FARP1: variants seen among roughly 807,000 people sequenced by gnomAD.
The protein encoded by FARP1 is FERM, ARH/RhoGEF and pleckstrin domain protein 1, also known as FERM, ARHGEF and pleckstrin domain-containing protein 1.
A neutral mutation model predicts 128.8 loss-of-function variants in FARP1; 52 were observed. The observed-to-expected ratio is 0.40, with a 90% CI of 0.32 to 0.51. FARP1 has a LOEUF of 0.51. Ranked by LOEUF, FARP1 falls within the 20% of genes least tolerant of loss-of-function variation. The pLI is 0.45. For missense variants in FARP1, 1,333 were observed against 1,367.9 expected, an observed-to-expected ratio of 0.97 and a Z score of 0.40; for synonymous variants, 580 against 551.8, an observed-to-expected ratio of 1.05 and a Z score of -0.72.
At chr13:98,426,402 A>G (rs1891790156) in intron 17 of FARP1, among the ~76,000 whole-genome samples, 1 of 152,192 alleles carries the variant, frequency 6.6e-6, no homozygotes, top group Non-Finnish European at 1.5e-5. Context: ...AGGGGAGAGG[A>G]TCACTTGAGC....
Position 98,256,973 on chromosome 13 carries a change from A to G in FARP1, c.171+43560A>G, listed in dbSNP as rs1406146712. ...GATATATATATATATATATATATATATATATATATATATATATACCGAAAG... is the reference window on the plus strand; with the variant it reads ...GATATATATATATATATATATATATGTATATATATATATATATACCGAAAG... On this transcript the variant is annotated intron_variant, in intron 2 of 26. Coordinates refer to ENST00000319562, the MANE Select transcript of FARP1 (RefSeq NM_005766.4). 3.5e-4 allele frequency among the ~76,000 whole-genome samples: 48 copies of G among 138,356 alleles called. 2 individuals are homozygous for G. The highest frequency in any genetic ancestry group is 8.3e-4 in the East Asian group (4 of 4,844). The allele number at this position is 138,356 out of a possible 152,430, so 90.8% of individuals were successfully genotyped here. A position where few individuals can be genotyped will look rare whatever the true frequency, so the allele number is the denominator to read the frequency against.
intron 2 of FARP1, among the ~76,000 whole-genome samples, chr13:98,287,985 A>G (rs1885273121): frequency 6.6e-6 from 1 of 151,992 alleles, no homozygotes; most frequent in South Asian, 2.1e-4. Flanking sequence ...TAATTTTAGT[A>G]GAGACAGAGT....
chr13:98,353,887 T>C (rs549846200), intron 3 of FARP1, among the ~76,000 whole-genome samples: 3 of 152,354 alleles, frequency 2.0e-5, no homozygotes, highest in African/African-American at 7.2e-5. Context: ...AAGAGTTCAA[T>C]TAACCATAAC....
intron 2 of FARP1, among the ~76,000 whole-genome samples, chr13:98,317,308 G>A (rs1405168811): frequency 6.6e-6 from 1 of 152,112 alleles, no homozygotes; most frequent in Non-Finnish European, 1.5e-5. Context: ...CACCCAGGCT[G>A]GGGTGCAGTG....
At chr13:98,436,916 C>CT (rs1399855857) in intron 19 of FARP1, among the ~76,000 whole-genome samples, 7 of 152,134 alleles carry the variant, frequency 4.6e-5, no homozygotes, top group Non-Finnish European at 7.4e-5. Flanking sequence ...TAAAGAATTC[C>CT]TTTTTTTGAG....
intron 2 of FARP1, among the ~76,000 whole-genome samples, chr13:98,266,984 A>G (rs906075568): frequency 3.7e-5 from 5 of 134,634 alleles, no homozygotes; most frequent in African/African-American, 1.4e-4. Flanking sequence ...ACTGTACTCC[A>G]GCCTGGGTGA....
intron 3 of FARP1, among the ~76,000 whole-genome samples, chr13:98,364,829 G>A (rs531890710): frequency 5.1e-4 from 77 of 152,340 alleles, no homozygotes; most frequent in Middle Eastern, 3.4e-3. Flanking sequence ...TCACTCTCTA[G>A]CTGAGGGACC....
At chr13:98,329,534 CA>C (rs886596401) in intron 2 of FARP1, 3 of 152,126 alleles carry the variant, frequency 2.0e-5, no homozygotes, top group Admixed American at 1.3e-4. Flanking sequence ...TGCTGGCGTG[CA>C]CCTGTAATCC....
In FARP1 at chr13:98,446,829, C is replaced by G. The variant is rs918161824; in HGVS notation, c.3056+12C>G. 4 of 1,613,786 alleles carry G rather than the reference C, an allele frequency of 2.5e-6. No homozygotes were observed. Among genetic ancestry groups the G allele is most frequent in the Non-Finnish European group, 3.4e-6 (4 of 1,179,832 alleles). Reference sequence around the variant, plus strand: ...TACACGTTCGAAAGGTAGACACCCCCTTCCCACGCACAGGGCCCTGCAGAA... The same window carrying G: ...TACACGTTCGAAAGGTAGACACCCCGTTCCCACGCACAGGGCCCTGCAGAA... On this transcript the variant is annotated intron_variant, in intron 26 of 26. Coordinates refer to ENST00000319562, the MANE Select transcript of FARP1 (RefSeq NM_005766.4).
At chr13:98,206,229 CT>C (rs1880258812) in intron 1 of FARP1, among the ~76,000 whole-genome samples, 1 of 150,342 alleles carries the variant, frequency 6.7e-6, no homozygotes, top group Admixed American at 6.6e-5. Context: ...TCCTTTCAAC[CT>C]TTGCTATTCC....
intron 1 of FARP1, among the ~76,000 whole-genome samples, chr13:98,188,970 G>A (rs534412803): frequency 2.7e-4 from 41 of 152,290 alleles, no homozygotes; most frequent in Non-Finnish European, 8.8e-5. Flanking sequence ...GTGGCAAACC[G>A]ATAAGGCCCA....
At position 98,292,714 on chromosome 13, in the gene FARP1, A is replaced by T. The variant is rs148107085; in HGVS notation, c.172-51048A>T. Among the ~76,000 whole-genome samples, 211 of 152,298 alleles carry T rather than the reference A, an allele frequency of 1.4e-3. 1 individual carries two copies. The highest frequency in any genetic ancestry group is 5.0e-3 in the African/African-American group (206 of 41,556). Reference sequence around the variant, plus strand: ...AACCATCTATGATAAATTATCATACATGTCACTCATTGTTGTCCAGCCCAA... The same window carrying T: ...AACCATCTATGATAAATTATCATACTTGTCACTCATTGTTGTCCAGCCCAA... On this transcript the variant is annotated intron_variant, in intron 2 of 26. Coordinates refer to ENST00000319562, the MANE Select transcript of FARP1 (RefSeq NM_005766.4).
chr13:98,443,640 T>C (rs577980170), intron 24 of FARP1, among the ~76,000 whole-genome samples: 1 of 152,276 alleles, frequency 6.6e-6, no homozygotes, highest in Admixed American at 6.5e-5. Flanking sequence ...TGGCCTCTGC[T>C]AAAAGTTGTG....
At chr13:98,307,316 T>G (rs1886209905) in intron 2 of FARP1, among the ~76,000 whole-genome samples, 1 of 152,222 alleles carries the variant, frequency 6.6e-6, no homozygotes, top group African/African-American at 2.4e-5. Flanking sequence ...GGTTGAATTC[T>G]AATACCTCAC....
chr13:98,274,944 T>C (rs1884565221), intron 2 of FARP1, among the ~76,000 whole-genome samples: 1 of 152,238 alleles, frequency 6.6e-6, no homozygotes, highest in African/African-American at 2.4e-5. Context: ...GATGCTTGGC[T>C]ATAACACTAT....
intron 1 of FARP1, among the ~76,000 whole-genome samples, chr13:98,154,241 C>T (rs1238807406): frequency 2.6e-5 from 4 of 152,222 alleles, no homozygotes; most frequent in Non-Finnish European, 5.9e-5. Flanking sequence ...TAAACTCTCA[C>T]ATACAGATTT....
intron 2 of FARP1, among the ~76,000 whole-genome samples, chr13:98,221,355 A>C (rs1178762585): frequency 1.3e-5 from 2 of 152,202 alleles, no homozygotes; most frequent in Non-Finnish European, 2.9e-5. Flanking sequence ...AGAATAAAAA[A>C]TCATGTGCTT....
At chr13:98,349,217 A>C (rs1407728729) in intron 3 of FARP1, among the ~76,000 whole-genome samples, 1 of 152,232 alleles carries the variant, frequency 6.6e-6, no homozygotes, top group Non-Finnish European at 1.5e-5. Context: ...TGAGAGGAAT[A>C]AATGACCATT....
At chr13:98,264,147 A>T (rs1883999145) in intron 2 of FARP1, among the ~76,000 whole-genome samples, 1 of 152,164 alleles carries the variant, frequency 6.6e-6, no homozygotes, top group Admixed American at 6.5e-5. Context: ...CGGTGCTAAT[A>T]CTATCTACCT....
Sources: allele counts gnomAD v4.1 joint callset (sites outside exome capture counted in the v4.1 genomes callset), GRCh38; gene constraint gnomAD v4.1.1; transcripts MANE v1.5; gene names NCBI Gene and HGNC (gene_info 2026-07-23, HGNC 2026-07-21).